NRAP: variants seen among roughly 807,000 people sequenced by gnomAD.
The protein encoded by NRAP is nebulin related anchoring protein.
Under a neutral mutation model 225.9 loss-of-function variants are expected in NRAP, and 189 were observed. That is an observed-to-expected ratio of 0.84 (90% CI 0.74 to 0.94). The LOEUF is 0.94. Ranked by LOEUF, NRAP falls within the 40% of genes least tolerant of loss-of-function variation. The pLI, the probability that NRAP is intolerant of heterozygous loss-of-function variation, is 0.00. For missense variants in NRAP, 2,176 were observed against 2,168.7 expected (o/e 1.00, Z -0.07); for synonymous variants, 769 against 790.7 (o/e 0.97, Z 0.46).
rs552771565 is a variant in NRAP at position 113,629,242 on chromosome 10, C to G, written c.2041-221G>C. 9.2e-5 allele frequency among the ~76,000 whole-genome samples: 14 copies of G among 152,286 alleles called. No homozygotes were observed. In the East Asian group the frequency reaches 1.7e-3, roughly 19 times the overall value. On this transcript the variant is annotated intron_variant, in intron 19 of 41. Coordinates refer to ENST00000359988, the MANE Select transcript of NRAP (RefSeq NM_198060.4). ...TACCTTACTGCTGAGACACCGCAAC[C>G]TTAGCAAAAAGAGTGTTTCTCATAT...
chr10:113,662,667 T>C lies in NRAP; in HGVS notation c.255+12A>G, dbSNP rs1850752693. 4 of 1,400,060 alleles carry C rather than the reference T, an allele frequency of 2.9e-6. No homozygotes were observed. The allele number at this position is 1,400,060 out of a possible 1,614,324, so 86.7% of individuals were successfully genotyped here. A position where few individuals can be genotyped will look rare whatever the true frequency, so the allele number is the denominator to read the frequency against. Reference sequence around the variant, plus strand: ...CCATACCCTCCATCCCACTGAAAATTAAATAACTTACCCCACTGATGGCCT... The same window carrying C: ...CCATACCCTCCATCCCACTGAAAATCAAATAACTTACCCCACTGATGGCCT... On this transcript the variant is annotated intron_variant, in intron 3 of 41. Coordinates refer to ENST00000359988, the MANE Select transcript of NRAP (RefSeq NM_198060.4).
intron 24 of NRAP, 117 bp from the exon 25 acceptor site, chr10:113,620,825 A>C (rs1847944666): frequency 2.8e-6 from 2 of 718,806 alleles, no homozygotes; most frequent in Admixed American, 2.2e-5. Context: ...ATTAGATGCC[A>C]CTTTTGTCTT....
intron 31 of NRAP, among the ~76,000 whole-genome samples, chr10:113,609,153 G>C (rs1004373291): frequency 2.6e-5 from 4 of 152,088 alleles, no homozygotes; most frequent in African/African-American, 4.8e-5. Flanking sequence ...GAGTGAGACT[G>C]TCTCAAATAA....
Position 113,612,252 on chromosome 10 carries a change from A to G in NRAP, c.3480T>C (p.Ala1160=). 6.2e-7 allele frequency: 1 copy of G among 1,614,036 alleles called. No individual in the cohort carries two copies. The highest frequency in any genetic ancestry group is 8.5e-7 in the Non-Finnish European group (1 of 1,179,972). ...EDLRLSCAKK[A]HKLQSENLYR... ...TCCTTACCTCACTCTGCAATTTGTGAGCTTTCTTGGCACAGCTCAGCCTCA... is the reference window on the plus strand; with the variant it reads ...TCCTTACCTCACTCTGCAATTTGTGGGCTTTCTTGGCACAGCTCAGCCTCA... Residue 1160 remains alanine, a synonymous_variant, in exon 30 of 42, where the codon GCT becomes GCC. Transcript: ENST00000359988.
At chr10:113,607,591 C>T (rs544091812) in intron 32 of NRAP, among the ~76,000 whole-genome samples, 15 of 152,120 alleles carry the variant, frequency 9.9e-5, no homozygotes, top group South Asian at 8.3e-4. Context: ...AAAAGTGATA[C>T]TATCACTCTA....
At chr10:113,616,255 C>T (rs1308085958) in intron 26 of NRAP, among the ~76,000 whole-genome samples, 1 of 152,126 alleles carries the variant, frequency 6.6e-6, no homozygotes, top group Non-Finnish European at 1.5e-5. Flanking sequence ...ATATTCTTCC[C>T]CTAAGACATG....
intron 38 of NRAP, among the ~76,000 whole-genome samples, chr10:113,595,374 C>A (rs1236993909): frequency 6.6e-6 from 1 of 151,800 alleles, no homozygotes; most frequent in African/African-American, 2.4e-5. Context: ...ATACCCAAGT[C>A]AGAATTTTAG....
chr10:113,616,263 A>C (rs1027186842), intron 26 of NRAP, among the ~76,000 whole-genome samples: 4 of 152,098 alleles, frequency 2.6e-5, no homozygotes, highest in Non-Finnish European at 5.9e-5. Context: ...CCCCTAAGAC[A>C]TGTCTCCTGG....
intron 33 of NRAP, 127 bp downstream of exon 33, chr10:113,606,051 G>C (rs1022101962): frequency 2.5e-6 from 2 of 807,252 alleles, no homozygotes; most frequent in Non-Finnish European, 4.3e-6. Context: ...TATTTAACAT[G>C]AGCATCTAAG....
Position 113,652,940 on chromosome 10 carries a change from T to G in NRAP, c.565A>C (p.Ser189Arg), listed in dbSNP as rs1850072976. 6.2e-7 allele frequency: 1 copy of G among 1,610,474 alleles called. No homozygotes were observed. Among genetic ancestry groups the G allele is most frequent in the African/African-American group, 1.3e-5 (1 of 74,908 alleles). ...AAAAGCACCCAGGCACTCACTTGGCTGGCCAGCTGGTTGGCTTTCTTGGCC... is the reference window on the plus strand; with the variant it reads ...AAAAGCACCCAGGCACTCACTTGGCGGGCCAGCTGGTTGGCTTTCTTGGCC... ...QRAKKANQLA[S>R]QVEYKRGHDE... Residue 189 changes from serine to arginine, a missense_variant, in exon 6 of 42, where the codon AGC becomes CGC. Around this residue, in one of 3 missense-constraint regions of NRAP, gnomAD observed 1,708 missense variants for 1,695.5 expected, o/e 1.01. Coordinates refer to ENST00000359988, the MANE Select transcript of NRAP (RefSeq NM_198060.4).
chr10:113,661,751 TC>T (rs1358052863), intron 3 of NRAP, among the ~76,000 whole-genome samples: 1 of 152,170 alleles, frequency 6.6e-6, no homozygotes, highest in Non-Finnish European at 1.5e-5. Flanking sequence ...ACCCCACACG[TC>T]CTAAACTAAA....
At position 113,629,768 on chromosome 10, in the gene NRAP, G is replaced by T; in HGVS notation, c.1860C>A (p.Gly620=). The change falls in exon 19 of 42, where the codon GGC becomes GGA. Residue 620 remains glycine (G), a synonymous_variant. Coordinates refer to ENST00000359988, the MANE Select transcript of NRAP (RefSeq NM_198060.4). The part of the protein sequence containing the change: ...KMSSEVEYKK[G]FEESKTRFHL... ...GAAACCGGGTCTTACTCTCTTCAAAGCCTTTCTTATATTCAACCTTGAATA... is the reference window on the plus strand; with the variant it reads ...GAAACCGGGTCTTACTCTCTTCAAATCCTTTCTTATATTCAACCTTGAATA... The T allele has an allele frequency of 6.2e-7, 1 of 1,612,990 alleles. No individual in the cohort carries two copies. The highest frequency in any genetic ancestry group is 8.5e-7 in the Non-Finnish European group (1 of 1,178,988).
intron 23 of NRAP, 31 bp downstream of exon 23, chr10:113,623,498 G>A (rs142470481): frequency 2.5e-5 from 35 of 1,415,866 alleles, no homozygotes; most frequent in East Asian, 1.1e-4. Context: ...AGGATTCTGC[G>A]GTCTCTTGTA....
chr10:113,606,361 A>G (rs2133900455), intron 32 of NRAP, 79 bp from the exon 33 acceptor site: 1 of 849,518 alleles, frequency 1.2e-6, no homozygotes, highest in Non-Finnish European at 1.9e-6. Flanking sequence ...TCCCTCAACG[A>G]TAGTTGAGGA....
intron 38 of NRAP, among the ~76,000 whole-genome samples, chr10:113,594,741 A>G (rs927810995): frequency 6.6e-6 from 1 of 152,236 alleles, no homozygotes; most frequent in African/African-American, 2.4e-5. Flanking sequence ...TACAAACGCA[A>G]CAAACTAATA....
chr10:113,606,187 G>A lies in NRAP; in HGVS notation c.3798C>T (p.Asn1266=), dbSNP rs1415327500. The change falls in exon 33 of 42, where the codon AAC becomes AAT. Residue 1266 remains asparagine (N), a synonymous_variant. Coordinates refer to ENST00000359988, the MANE Select transcript of NRAP (RefSeq NM_198060.4). ...TAACAAAAGGGCTTACGTCACTCAG[G>A]TTGGCTGCATTCGTTTTTGCTCGGA... The part of the protein sequence containing the change: ...EFIRAKTNAA[N]LSDARYKESW... 6.2e-7 allele frequency: 1 copy of A among 1,612,718 alleles called. No homozygotes were observed. The highest frequency in any genetic ancestry group is 8.5e-7 in the Non-Finnish European group (1 of 1,178,686).
chr10:113,642,689 C>T (rs1849275919), intron 12 of NRAP, among the ~76,000 whole-genome samples: 1 of 152,150 alleles, frequency 6.6e-6, no homozygotes, highest in African/African-American at 2.4e-5. Context: ...ACAAGGGAAG[C>T]AAGGGGACGG....
In NRAP at chr10:113,600,213, C is replaced by G. The variant is rs1295599604; in HGVS notation, c.4228-2140G>C. 3.5e-5 allele frequency among the ~76,000 whole-genome samples: 5 copies of G among 144,020 alleles called. No individual in the cohort carries two copies. The East Asian group carries it at 9.8e-4, about 28-fold the overall frequency. The allele number at this position is 144,020 out of a possible 152,430, so 94.5% of individuals were successfully genotyped here. On this transcript the variant is annotated intron_variant, in intron 35 of 41. Coordinates refer to ENST00000359988, the MANE Select transcript of NRAP (RefSeq NM_198060.4). Reference sequence around the variant, plus strand: ...TGGAGATGGGGTCTCTCTTGTTACCCAGGCTGGAGTGCAGTGGTGTGATCA... The same window carrying G: ...TGGAGATGGGGTCTCTCTTGTTACCGAGGCTGGAGTGCAGTGGTGTGATCA...
chr10:113,589,377 T>G (rs1845796234), intron 41 of NRAP: 1 of 569,602 alleles, frequency 1.8e-6, no homozygotes, highest in Admixed American at 3.2e-5. Context: ...GAGCAAGCAG[T>G]CAGCACAGCC....
Sources: allele counts gnomAD v4.1 joint callset (sites outside exome capture counted in the v4.1 genomes callset), GRCh38; gene constraint gnomAD v4.1.1; regional missense constraint gnomAD v4.1.1; transcripts MANE v1.5; gene names NCBI Gene and HGNC (gene_info 2026-07-23, HGNC 2026-07-21).